The following BOC variants were observed in gnomAD, a reference collection of about 807,000 sequenced individuals.
BOC encodes the protein BOC cell adhesion associated, oncogene regulated.
Under a neutral mutation model 112.0 loss-of-function variants are expected in BOC, and 76 were observed. The observed-to-expected ratio is 0.68, with a 90% CI of 0.56 to 0.82. BOC has a LOEUF of 0.82. Among genes scored for constraint, BOC ranks in the 40% least tolerant of loss-of-function variants. The pLI is 0.00. For missense variants in BOC, 1,309 were observed against 1,511.7 expected (o/e 0.87, Z 2.22); for synonymous variants, 580 against 599.8 (o/e 0.97, Z 0.48).
Position 113,286,895 on chromosome 3 carries a change from T to C in BOC, c.*33T>C. On this transcript the variant is annotated 3_prime_UTR_variant, in exon 20 of 20. Transcript: ENST00000682979. ...CTGATATCCCAGAAAGACTATATAT[T>C]GTTTTTTTTTTAAAAAAAAAAAGAA... 6.7e-7 allele frequency: 1 copy of C among 1,484,464 alleles called. No homozygotes were observed. Among genetic ancestry groups the C allele is most frequent in the East Asian group, 2.5e-5 (1 of 40,720 alleles). 92.0% of individuals were successfully genotyped at this position (1,484,464 alleles called of 1,614,324 possible). A position where few individuals can be genotyped will look rare whatever the true frequency, so the allele number is the denominator to read the frequency against.
rs568090998 is a variant in BOC, at chr3:113,268,331, G to T, written c.409G>T (p.Val137Leu). The change falls in exon 5 of 20, where the codon GTG becomes TTG. Residue 137 changes from valine to leucine, a missense_variant. Val to Leu is a conservative substitution (Grantham distance 32). Coordinates refer to ENST00000682979, the MANE Select transcript of BOC (RefSeq NM_001378074.1). ...GGACTTCAAGTTAGATGTGCAGCAC[G>T]TGATTGAAGTGGATGAGGGAAACAC... ...LQDFKLDVQH[V>L]IEVDEGNTAV... The T allele has an allele frequency of 6.2e-7, 1 of 1,614,120 alleles. No individual in the cohort carries two copies. The highest frequency in any genetic ancestry group is 1.7e-5 in the Admixed American group (1 of 60,014).
At chr3:113,239,594 G>C (rs1576378456) in intron 2 of BOC, among the ~76,000 whole-genome samples, 2 of 152,244 alleles carry the variant, frequency 1.3e-5, no homozygotes, top group African/African-American at 2.4e-5. Context: ...GCACAGGCTT[G>C]TTAGGGACAC....
intron 4 of BOC, chr3:113,251,319 T>C: frequency 5.1e-6 from 1 of 196,502 alleles, no homozygotes; most frequent in Non-Finnish European, 1.0e-5. Context: ...CAGCCCAGAC[T>C]TGGCCTCCTG....
chr3:113,277,690 CTCA>C (rs1433591800), intron 9 of BOC, among the ~76,000 whole-genome samples: 2 of 152,212 alleles, frequency 1.3e-5, no homozygotes, highest in African/African-American at 4.8e-5. Context: ...CGTTACCTTT[CTCA>C]TCATTGTGTC....
At chr3:113,268,273 A>C in intron 4 of BOC, 26 bp from the exon 5 acceptor site, 5 of 1,613,574 alleles carry the variant, frequency 3.1e-6, no homozygotes, top group Non-Finnish European at 4.2e-6. Flanking sequence ...CTGTCCTCCA[A>C]CCAGCACCTT....
At chr3:113,222,845 CTGGTTTGG>C (rs1252199278) in intron 2 of BOC, among the ~76,000 whole-genome samples, 1 of 152,240 alleles carries the variant, frequency 6.6e-6, no homozygotes, top group Non-Finnish European at 1.5e-5. Flanking sequence ...TCCGTTGAAT[CTGGTTTGG>C]AACCACAAGC....
intron 4 of BOC, among the ~76,000 whole-genome samples, chr3:113,265,462 C>G (rs1278236525): frequency 6.6e-6 from 1 of 152,100 alleles, no homozygotes; most frequent in African/African-American, 2.4e-5. Context: ...CCCCTGAGCT[C>G]ACAATCACTC....
chr3:113,214,777 C>T (rs1186582603), intron 1 of BOC, among the ~76,000 whole-genome samples: 1 of 152,184 alleles, frequency 6.6e-6, no homozygotes, highest in Non-Finnish European at 1.5e-5. Context: ...AACTTCTTGT[C>T]ATCTCCATAC....
intron 12 of BOC, 94 bp downstream of exon 12, chr3:113,279,549 G>T: frequency 8.0e-7 from 1 of 1,252,874 alleles, no homozygotes; most frequent in Non-Finnish European, 1.1e-6. Context: ...CCCTTCTCTC[G>T]GCCCAGGCCC....
At chr3:113,277,992 C>T in intron 9 of BOC, 103 bp from the exon 10 acceptor site, 2 of 1,447,708 alleles carry the variant, frequency 1.4e-6, no homozygotes. Flanking sequence ...CGTCCTTCCC[C>T]TTCTCCTGCC....
chr3:113,226,873 T>G (rs1219727736), intron 2 of BOC, among the ~76,000 whole-genome samples: 1 of 152,196 alleles, frequency 6.6e-6, no homozygotes, highest in Non-Finnish European at 1.5e-5. Flanking sequence ...GCCTCTTCAG[T>G]CAATTGCCAT....
chr3:113,276,737 A>T (rs1259617532), intron 9 of BOC, among the ~76,000 whole-genome samples: 1 of 152,146 alleles, frequency 6.6e-6, no homozygotes, highest in Non-Finnish European at 1.5e-5. Flanking sequence ...GGTTTCCAGC[A>T]CCACTGGGGA....
chr3:113,214,010 G>C (rs1471008400), intron 1 of BOC, among the ~76,000 whole-genome samples: 1 of 152,198 alleles, frequency 6.6e-6, no homozygotes, highest in African/African-American at 2.4e-5. Flanking sequence ...AGATACTTCA[G>C]AAATGCTTCA....
intron 4 of BOC, among the ~76,000 whole-genome samples, chr3:113,256,544 C>T (rs752344628): frequency 3.9e-5 from 6 of 152,178 alleles, no homozygotes; most frequent in Non-Finnish European, 7.3e-5. Flanking sequence ...CATGGTGAAT[C>T]TTACAAACAG....
Position 113,278,097 on chromosome 3 carries a change from G to A in BOC, c.1545G>A (p.Gln515=), listed in dbSNP as rs746962028. 6.2e-7 allele frequency: 1 copy of A among 1,614,162 alleles called. No individual in the cohort carries two copies. ...TTTATACCAGCTACCTTCTCCAGCA[G>A]GTCACAAATTCCTCTGACGATTGGA... ...ILYYVVKHRK[Q]VTNSSDDWTI... Residue 515 remains glutamine, a splice_region_variant and synonymous_variant, in exon 10 of 20, where the codon CAG becomes CAA. Coordinates refer to ENST00000682979, the MANE Select transcript of BOC (RefSeq NM_001378074.1). This position sits in a 1 kb window ranked among gnomAD's most constrained non-coding sequence, Gnocchi z 4.2.
At chr3:113,263,697 C>T (rs1309095895) in intron 4 of BOC, among the ~76,000 whole-genome samples, 1 of 152,160 alleles carries the variant, frequency 6.6e-6, no homozygotes, top group East Asian at 1.9e-4. Flanking sequence ...CATGAACATA[C>T]ACCAAATACT....
chr3:113,238,721 A>C (rs1943897996), intron 2 of BOC, among the ~76,000 whole-genome samples: 1 of 152,232 alleles, frequency 6.6e-6, no homozygotes, highest in African/African-American at 2.4e-5. Flanking sequence ...GATCTTGGAC[A>C]AGATTTTAAT....
chr3:113,219,625 G>T (rs1001163889), intron 2 of BOC, among the ~76,000 whole-genome samples: 4 of 152,222 alleles, frequency 2.6e-5, no homozygotes, highest in African/African-American at 9.6e-5. Context: ...CTAGCTTCGG[G>T]AAAACTGTCT....
chr3:113,245,456 C>T (rs1944797732), intron 2 of BOC, among the ~76,000 whole-genome samples: 1 of 152,138 alleles, frequency 6.6e-6, no homozygotes, highest in Non-Finnish European at 1.5e-5. Context: ...ATTAAATTCA[C>T]TTATTTCCCC....
Sources: allele counts gnomAD v4.1 joint callset (sites outside exome capture counted in the v4.1 genomes callset), GRCh38; gene constraint gnomAD v4.1.1; non-coding constraint Gnocchi (gnomAD v3.1); transcripts MANE v1.5; gene names NCBI Gene and HGNC (gene_info 2026-07-23, HGNC 2026-07-21).